Variants in MBNL1 observed in about 807,000 individuals in gnomAD.
MBNL1 encodes muscleblind like splicing regulator 1.
MBNL1 carries 8 observed loss-of-function variants against 42.2 expected under a neutral mutation model. The observed-to-expected ratio is 0.19, with a 90% CI of 0.11 to 0.34. The LOEUF (loss-of-function observed/expected upper bound fraction) is 0.34, where lower values mean the gene tolerates loss of function less well. MBNL1 is among the 10% of genes least tolerant of loss of function. The probability of loss-of-function intolerance (pLI) is 1.00; values close to 1 mark genes in which losing one functional copy is unlikely to be tolerated. For synonymous variants in MBNL1, 169 were observed against 173.9 expected, an observed-to-expected ratio of 0.97 and a Z score of 0.22; for missense variants, 309 against 495.3, an observed-to-expected ratio of 0.62 and a Z score of 3.57.
chr3:152,338,657 C>A (rs992160204), intron 2 of MBNL1: 4 of 985,290 alleles, frequency 4.1e-6, no homozygotes, highest in Middle Eastern at 5.2e-4. Context: ...AGAAACCTCT[C>A]CAGAAGATAT....
intron 6 of MBNL1, among the ~76,000 whole-genome samples, chr3:152,452,062 G>T (rs746682489): frequency 2.1e-4 from 32 of 152,232 alleles, no homozygotes; most frequent in Admixed American, 1.8e-3. Context: ...TAACTCCATG[G>T]TGTTTCACAC....
chr3:152,339,613 A>T (rs924087528), intron 2 of MBNL1: 1 of 151,972 alleles, frequency 6.6e-6, no homozygotes, highest in African/African-American at 2.4e-5. Flanking sequence ...TTTCTTTTCA[A>T]TATTAACTTA....
chr3:152,372,676 G>T (rs113069808), intron 2 of MBNL1, among the ~76,000 whole-genome samples: 4 of 152,120 alleles, frequency 2.6e-5, no homozygotes, highest in African/African-American at 9.7e-5. Flanking sequence ...TGGAAGTTTC[G>T]TCCCAGAGGG....
Position 152,398,051 on chromosome 3 carries a change from C to T in MBNL1, c.175-16890C>T, listed in dbSNP as rs553226403. Among the ~76,000 whole-genome samples, 68 of 152,160 alleles carry T rather than the reference C, an allele frequency of 4.5e-4. 1 individual carries two copies. The South Asian group carries it at 0.014, about 30-fold the overall frequency. ...AATCAGAACAAACCAAAAACAGTTG[C>T]CCAACTACAGTACAAAAGAAATGCA... On this transcript the variant is annotated intron_variant, in intron 2 of 9. Coordinates refer to ENST00000324210, the MANE Select transcript of MBNL1 (RefSeq NM_021038.5).
intron 2 of MBNL1, among the ~76,000 whole-genome samples, chr3:152,306,977 C>T (rs59324046): frequency 6.6e-6 from 1 of 152,092 alleles, no homozygotes; most frequent in African/African-American, 2.4e-5. Flanking sequence ...TTTTTATCTT[C>T]TTATAACTGT....
chr3:152,427,413 G>C (rs997154965), intron 3 of MBNL1, among the ~76,000 whole-genome samples: 2 of 152,022 alleles, frequency 1.3e-5, no homozygotes, highest in Non-Finnish European at 2.9e-5. Context: ...TAAAGATAGA[G>C]GGTCTTGCTT....
At chr3:152,266,699 C>G (rs1216197521), upstream of MBNL1, 1 of 152,104 alleles carries the variant, frequency 6.6e-6, no homozygotes, top group Admixed American at 6.6e-5. Context: ...CAATGGGAGG[C>G]AAAATGAAGA....
At chr3:152,370,975 C>CG (rs2096636067) in intron 2 of MBNL1, among the ~76,000 whole-genome samples, 1 of 151,938 alleles carries the variant, frequency 6.6e-6, no homozygotes, top group Non-Finnish European at 1.5e-5. Flanking sequence ...TGTCTTTTAA[C>CG]GGGGGCATTT....
intron 2 of MBNL1, among the ~76,000 whole-genome samples, chr3:152,376,445 A>G (rs146985935): frequency 6.6e-6 from 1 of 152,324 alleles, no homozygotes; most frequent in African/African-American, 2.4e-5. Flanking sequence ...ACTCTCTTAA[A>G]AAAGAAGCTC....
chr3:152,280,848 A>C (rs984174058), intron 1 of MBNL1, among the ~76,000 whole-genome samples: 6 of 152,158 alleles, frequency 3.9e-5, no homozygotes, highest in African/African-American at 1.4e-4. Context: ...ATTCTAGTTT[A>C]GAAAATTCAG....
intron 2 of MBNL1, among the ~76,000 whole-genome samples, chr3:152,408,731 T>C (rs1464069242): frequency 1.3e-5 from 2 of 151,738 alleles, no homozygotes; most frequent in Non-Finnish European, 2.9e-5. Flanking sequence ...AAAGTGGCGG[T>C]TGGCTCTCAA....
At chr3:152,394,592 T>C (rs1258023186) in intron 2 of MBNL1, among the ~76,000 whole-genome samples, 1 of 152,218 alleles carries the variant, frequency 6.6e-6, no homozygotes, top group Non-Finnish European at 1.5e-5. Context: ...TTTCCTTTAT[T>C]CAGCACTCTG....
chr3:152,245,033 A>G (rs1231710579), intron 2 of MBNL1, among the ~76,000 whole-genome samples: 2 of 152,098 alleles, frequency 1.3e-5, no homozygotes, highest in Non-Finnish European at 2.9e-5. Context: ...GAAATATGCA[A>G]ATCTAATTTT....
At chr3:152,312,701 C>G (rs1231104541) in intron 2 of MBNL1, among the ~76,000 whole-genome samples, 1 of 152,132 alleles carries the variant, frequency 6.6e-6, no homozygotes, top group African/African-American at 2.4e-5. Context: ...CTAAATTGAT[C>G]ATAGGGAAAA....
intron 2 of MBNL1, among the ~76,000 whole-genome samples, chr3:152,413,424 GAGAGCT>G (rs767999043): frequency 9.2e-5 from 14 of 152,166 alleles, no homozygotes; most frequent in Non-Finnish European, 2.1e-4. Context: ...TGATGAGTAA[GAGAGCT>G]AGGCCTCTGT....
chr3:152,343,533 A>G (rs1042093232), intron 2 of MBNL1, among the ~76,000 whole-genome samples: 2 of 152,160 alleles, frequency 1.3e-5, no homozygotes, highest in African/African-American at 4.8e-5. Flanking sequence ...ATAATTAAAT[A>G]AGAGCATAAG....
intron 2 of MBNL1, among the ~76,000 whole-genome samples, chr3:152,385,211 AT>A (rs1242567793): frequency 2.0e-5 from 3 of 152,052 alleles, no homozygotes; most frequent in Non-Finnish European, 2.9e-5. Flanking sequence ...TTTTAAAAAA[AT>A]ATTTCTTCTT....
intron 1 of MBNL1, chr3:152,269,729 C>CT (rs746931001): frequency 7.9e-3 from 1,499 of 189,774 alleles, no homozygotes; most frequent in South Asian, 0.017. Flanking sequence ...TCTTCTTCTT[C>CT]TTTTTTTTTT....
chr3:152,257,346 G>C (rs1038047937), intron 2 of MBNL1, among the ~76,000 whole-genome samples: 4 of 152,164 alleles, frequency 2.6e-5, no homozygotes, highest in African/African-American at 4.8e-5. Flanking sequence ...AATACAGAAA[G>C]AGCAGGCAGA....
Sources: gnomAD v4.1 joint callset for allele counts (sites outside exome capture counted in the v4.1 genomes callset) on GRCh38, gnomAD v4.1.1 for gene constraint, MANE v1.5 for transcripts, NCBI Gene and HGNC (gene_info 2026-07-23, HGNC 2026-07-21) for gene names.